The following GLIS2 variants were observed in gnomAD, a reference collection of about 807,000 sequenced individuals.
The protein encoded by GLIS2 is zinc finger protein GLIS2.
Under a neutral mutation model 35.6 loss-of-function variants are expected in GLIS2, and 14 were observed. The ratio of observed to expected loss-of-function variants is 0.39; its 90% CI spans 0.26 to 0.61. The LOEUF is 0.61. Among genes scored for constraint, GLIS2 ranks in the 20% least tolerant of loss-of-function variants. The pLI is 0.48. For missense variants in GLIS2, 675 were observed against 713.4 expected (o/e 0.95, Z 0.61); for synonymous variants, 368 against 325.1 (o/e 1.13, Z -1.42).
chr16:4,334,270 C>T (rs2141132214), intron 3 of GLIS2, among the ~76,000 whole-genome samples: 1 of 131,360 alleles, frequency 7.6e-6, no homozygotes, highest in South Asian at 2.6e-4. Flanking sequence ...CAGGGTCTAG[C>T]TCTGTCACCC....
chr16:4,328,497 A>C (rs529318105), intron 1 of GLIS2, among the ~76,000 whole-genome samples: 1 of 152,338 alleles, frequency 6.6e-6, no homozygotes, highest in South Asian at 2.1e-4. Flanking sequence ...TGGGGCCTCC[A>C]TTGGAGGAAA....
chr16:4,321,911 G>A (rs746465602), intron 1 of GLIS2, among the ~76,000 whole-genome samples: 3 of 152,132 alleles, frequency 2.0e-5, no homozygotes, highest in Non-Finnish European at 2.9e-5. Flanking sequence ...ACTTGGACCC[G>A]GGACAGCCTG....
rs545770969 is a variant in GLIS2 at position 4,330,577 on chromosome 16, C to T, written c.-66-1638C>T. Reference sequence around the variant, plus strand: ...GGGCCCCTGGCTGTGCCCACTTTCTCGGTTTGCCTGGTGCGAGTTCCTTGG... The same window carrying T: ...GGGCCCCTGGCTGTGCCCACTTTCTTGGTTTGCCTGGTGCGAGTTCCTTGG... On this transcript the variant is annotated intron_variant, in intron 1 of 6. Coordinates refer to ENST00000433375, the MANE Select transcript of GLIS2 (RefSeq NM_032575.3). 9.3e-4 allele frequency among the ~76,000 whole-genome samples: 142 copies of T among 152,344 alleles called. 1 individual carries two copies. The highest frequency in any genetic ancestry group is 3.3e-3 in the African/African-American group (137 of 41,582).
Position 4,332,104 on chromosome 16 carries a change from G to A in GLIS2, c.-66-111G>A, listed in dbSNP as rs2053502716. On this transcript the variant is annotated intron_variant, in intron 1 of 6. Coordinates refer to ENST00000433375, the MANE Select transcript of GLIS2 (RefSeq NM_032575.3). The surrounding 1 kb of genome is among the most constrained non-coding windows in gnomAD (Gnocchi z 5.4). ...TCGCTCGGAGGGTCTCCCTACCCAG[G>A]AGACAACCTCACACTGCCCCCTGCT... 1.2e-6 allele frequency: 1 copy of A among 829,024 alleles called. No homozygotes were observed. The highest frequency in any genetic ancestry group is 1.7e-5 in the African/African-American group (1 of 59,440). 51.4% of individuals were successfully genotyped at this position (829,024 alleles called of 1,614,324 possible).
At chr16:4,321,573 C>T (rs1048345836) in intron 1 of GLIS2, among the ~76,000 whole-genome samples, 30 of 152,252 alleles carry the variant, frequency 2.0e-4, no homozygotes, top group Admixed American at 5.2e-4. Context: ...CAGCAGGCCC[C>T]CTCCTGTGGA....
At chr16:4,321,617 G>T (rs1429853647) in intron 1 of GLIS2, among the ~76,000 whole-genome samples, 1 of 152,144 alleles carries the variant, frequency 6.6e-6, no homozygotes, top group Non-Finnish European at 1.5e-5. Flanking sequence ...CTCATTCTGG[G>T]TTCCCTGCCT....
chr16:4,337,896 G>A lies in GLIS2; in HGVS notation c.*372G>A, dbSNP rs1356060855. 1.0e-5 allele frequency: 4 copies of A among 401,026 alleles called. No individual in the cohort carries two copies. Among genetic ancestry groups the A allele is most frequent in the African/African-American group, 2.0e-5 (1 of 48,828 alleles). 24.8% of individuals were successfully genotyped at this position (401,026 alleles called of 1,614,324 possible). A position where few individuals can be genotyped will look rare whatever the true frequency, so the allele number is the denominator to read the frequency against. On this transcript the variant is annotated 3_prime_UTR_variant, in exon 7 of 7. Transcript: ENST00000433375. ...CAAGTTGCCCTCTCCCAGCAGAGGG[G>A]GTGGGTGGGGTGGCATCTGCCCTCC... is the stretch of plus-strand genomic sequence containing the variant.
intron 2 of GLIS2, among the ~76,000 whole-genome samples, chr16:4,333,130 C>T (rs1036158658): frequency 2.6e-5 from 4 of 152,194 alleles, no homozygotes; most frequent in African/African-American, 7.2e-5. Flanking sequence ...CCCCCCTCCC[C>T]GGCTCACGGG....
At chr16:4,317,698 A>T (rs145786607) in intron 1 of GLIS2, among the ~76,000 whole-genome samples, 171 of 151,652 alleles carry the variant, frequency 1.1e-3, no homozygotes, top group African/African-American at 3.9e-3. Flanking sequence ...CTCCCAGGAC[A>T]CCCTTTGCCA....
At chr16:4,318,058 T>G (rs911532096) in intron 1 of GLIS2, among the ~76,000 whole-genome samples, 52 of 152,058 alleles carry the variant, frequency 3.4e-4, no homozygotes, top group African/African-American at 1.3e-3. Context: ...TGCCAGTCCC[T>G]CCCTCACCAA....
At chr16:4,321,906 G>C (rs1348870683) in intron 1 of GLIS2, among the ~76,000 whole-genome samples, 3 of 152,136 alleles carry the variant, frequency 2.0e-5, no homozygotes, top group Non-Finnish European at 4.4e-5. Context: ...CAAGGACTTG[G>C]ACCCGGGACA....
chr16:4,315,715 G>A (rs1310867913), upstream of GLIS2, among the ~76,000 whole-genome samples: 1 of 150,244 alleles, frequency 6.7e-6, no homozygotes, highest in Non-Finnish European at 1.5e-5. Context: ...CGCGCGGCTC[G>A]GCGCCCCACT....
At chr16:4,319,173 G>A (rs2053348334) in intron 1 of GLIS2, among the ~76,000 whole-genome samples, 1 of 152,118 alleles carries the variant, frequency 6.6e-6, no homozygotes, top group Non-Finnish European at 1.5e-5. Flanking sequence ...AGAGAAAAGT[G>A]TCCCCTGAAT....
rs1055296272 is a variant in GLIS2 at position 4,338,975 on chromosome 16, C to T, written c.*1451C>T. 6.6e-6 allele frequency: 1 copy of T among 152,332 alleles called. No individual in the cohort carries two copies. Among genetic ancestry groups the T allele is most frequent in the Non-Finnish European group, 1.5e-5 (1 of 68,114 alleles). The allele number at this position is 152,332 out of a possible 1,614,324, so 9.4% of individuals were successfully genotyped here. ...CCCTTCCACCTCCCCATCTGTAAAA[C>T]GAGGCAGCTGCCCGGACAGCCTTGG... On this transcript the variant is annotated 3_prime_UTR_variant, in exon 7 of 7. Transcript: ENST00000433375.
Position 4,335,023 on chromosome 16 carries a change from C to G in GLIS2, c.523-37C>G, listed in dbSNP as rs1345196337. ...GTAGTGTGGAGTCTGGGGCAGGTCA[C>G]CCCGCATGGGCTCAGAACACTTCCC... On this transcript the variant is annotated intron_variant, in intron 4 of 6. Transcript: ENST00000433375. This position sits in a 1 kb window ranked among gnomAD's most constrained non-coding sequence, Gnocchi z 4.6. 4 of 1,613,272 alleles carry G rather than the reference C, an allele frequency of 2.5e-6. No individual in the cohort carries two copies. Among genetic ancestry groups the G allele is most frequent in the African/African-American group, 2.7e-5 (2 of 75,048 alleles).
At position 4,335,671 on chromosome 16, in the gene GLIS2, G is replaced by A. The variant is rs1474306062; in HGVS notation, c.775+278G>A. Among the ~76,000 whole-genome samples, 4 of 152,228 alleles carry A rather than the reference G, an allele frequency of 2.6e-5. No individual in the cohort carries two copies. Among genetic ancestry groups the A allele is most frequent in the African/African-American group, 7.2e-5 (3 of 41,456 alleles). On this transcript the variant is annotated intron_variant, in intron 6 of 6. Transcript: ENST00000433375. The surrounding 1 kb of genome is among the most constrained non-coding windows in gnomAD (Gnocchi z 4.6). The stretch of plus-strand genomic sequence containing the variant: ...TAATGCCACCTCTGTGATCGCAGAG[G>A]CCAGGTCGGCTTCACTCCTCACTAC...
At chr16:4,333,262 G>A in intron 2 of GLIS2, 85 bp from the exon 3 acceptor site, 1 of 1,506,776 alleles carries the variant, frequency 6.6e-7, no homozygotes, top group Non-Finnish European at 9.1e-7. Flanking sequence ...TGCTCCCAAG[G>A]TCACAGTGGG....
chr16:4,335,237 A>T lies in GLIS2; in HGVS notation c.657-38A>T. The stretch of plus-strand genomic sequence containing the variant: ...GGGTAGAGGGAGGACTGGGGTCTCC[A>T]GTGAGCTGAGCCGTGCCCCCCGCCC... On this transcript the variant is annotated intron_variant, in intron 5 of 6. Transcript: ENST00000433375. This position sits in a 1 kb window ranked among gnomAD's most constrained non-coding sequence, Gnocchi z 4.6. 6.2e-7 allele frequency: 1 copy of T among 1,613,600 alleles called. No individual in the cohort carries two copies. Among genetic ancestry groups the T allele is most frequent in the Non-Finnish European group, 8.5e-7 (1 of 1,179,980 alleles).
intron 1 of GLIS2, among the ~76,000 whole-genome samples, 35 bp downstream of exon 1, chr16:4,316,289 C>A (rs2053310349): frequency 1.0e-5 from 1 of 99,320 alleles, no homozygotes; most frequent in African/African-American, 4.2e-5. Context: ...CCGTGGGGAC[C>A]GGGCCGGGGC....
Sources: gnomAD v4.1 joint callset for allele counts (sites outside exome capture counted in the v4.1 genomes callset) on GRCh38, gnomAD v4.1.1 for gene constraint, Gnocchi (gnomAD v3.1) non-coding constraint, MANE v1.5 for transcripts, NCBI Gene and HGNC (gene_info 2026-07-23, HGNC 2026-07-21) for gene names.